ZMAT4: variants seen among roughly 807,000 people sequenced by gnomAD.
The protein encoded by ZMAT4 is zinc finger matrin-type protein 4.
ZMAT4 carries 17 observed loss-of-function variants against 28.7 expected under a neutral mutation model. The observed-to-expected ratio is 0.59, with a 90% CI of 0.41 to 0.89. ZMAT4 has a LOEUF of 0.89. Ranked by LOEUF, ZMAT4 falls within the 40% of genes least tolerant of loss-of-function variation. ZMAT4 has a pLI of 0.00. For synonymous variants in ZMAT4, 117 were observed against 109.2 expected, an observed-to-expected ratio of 1.07 and a Z score of -0.44; for missense variants, 240 against 283.8, an observed-to-expected ratio of 0.85 and a Z score of 1.11.
chr8:40,892,858 A>T (rs537032316), intron 1 of ZMAT4, among the ~76,000 whole-genome samples: 1 of 152,330 alleles, frequency 6.6e-6, no homozygotes, highest in South Asian at 2.1e-4. Context: ...GGTTCTCATC[A>T]GCAGAGGGCA....
intron 3 of ZMAT4, among the ~76,000 whole-genome samples, chr8:40,735,557 A>G (rs1391260819): frequency 6.6e-6 from 1 of 152,232 alleles, no homozygotes; most frequent in Non-Finnish European, 1.5e-5. Context: ...TAGAAACTGG[A>G]TCTAAAAAAT....
At chr8:40,580,924 A>G (rs1804443353) in intron 6 of ZMAT4, among the ~76,000 whole-genome samples, 2 of 152,304 alleles carry the variant, frequency 1.3e-5, no homozygotes, top group South Asian at 4.1e-4. Flanking sequence ...ATATGTCCTA[A>G]TTTCATAAAA....
chr8:40,728,905 T>G (rs998383703), intron 3 of ZMAT4, among the ~76,000 whole-genome samples: 4 of 152,178 alleles, frequency 2.6e-5, no homozygotes, highest in Non-Finnish European at 5.9e-5. Context: ...ACTAGTTTTG[T>G]CTATTACTGG....
chr8:40,639,771 TACACACACACACACAC>T (rs10676366), intron 5 of ZMAT4, among the ~76,000 whole-genome samples: 2 of 146,462 alleles, frequency 1.4e-5, no homozygotes, highest in Non-Finnish European at 1.5e-5. Context: ...GTCCTTTTGT[TACACACACACACACAC>T]ACACACACAC....
chr8:40,675,730 C>T (rs1429049953), intron 4 of ZMAT4, among the ~76,000 whole-genome samples: 1 of 152,112 alleles, frequency 6.6e-6, no homozygotes, highest in Non-Finnish European at 1.5e-5. Flanking sequence ...ACATGGGTTG[C>T]ATTAATTGAG....
At chr8:40,641,968 C>A (rs1481167498) in intron 5 of ZMAT4, among the ~76,000 whole-genome samples, 3 of 152,064 alleles carry the variant, frequency 2.0e-5, no homozygotes, top group Non-Finnish European at 4.4e-5. Context: ...AAAGTGAACT[C>A]ATTTCCTCTC....
At chr8:40,683,380 G>C (rs1397488879) in intron 4 of ZMAT4, among the ~76,000 whole-genome samples, 3 of 152,152 alleles carry the variant, frequency 2.0e-5, no homozygotes, top group Non-Finnish European at 4.4e-5. Context: ...AAAATCTCCG[G>C]TTATGGCCAC....
intron 5 of ZMAT4, among the ~76,000 whole-genome samples, chr8:40,628,685 G>T (rs1806462632): frequency 6.6e-6 from 1 of 152,160 alleles, no homozygotes; most frequent in South Asian, 2.1e-4. Context: ...TTGGTAGCTG[G>T]ATGGCATCAT....
chr8:40,777,730 A>T (rs1813660411), intron 2 of ZMAT4, among the ~76,000 whole-genome samples: 1 of 152,190 alleles, frequency 6.6e-6, no homozygotes, highest in Non-Finnish European at 1.5e-5. Flanking sequence ...ACAACGGACA[A>T]GTGTCCCCAC....
rs1355528271 is a variant in ZMAT4, at chr8:40,845,796, AAG to A, written c.-4-20118_-4-20117del. 0.013 allele frequency among the ~76,000 whole-genome samples: 1,533 copies of A among 120,568 alleles called. 51 individuals carry two copies. The East Asian group carries it at 0.14, about 11-fold the overall frequency. The allele number at this position is 120,568 out of a possible 152,430, so 79.1% of individuals were successfully genotyped here. On this transcript the variant is annotated intron_variant, in intron 1 of 6. Transcript: ENST00000297737. ...GTAGTTAAAAAAAAAAAAAAAAAAA[AAG>A]AGAGAGAGACTAAGGGTGGAGGGGG...
intron 1 of ZMAT4, among the ~76,000 whole-genome samples, chr8:40,877,169 C>T (rs117570976): frequency 0.018 from 2,761 of 152,220 alleles, 88 homozygotes; most frequent in Admixed American, 0.083. Context: ...AGGAGATGGC[C>T]GTCTACAAGC....
intron 1 of ZMAT4, among the ~76,000 whole-genome samples, chr8:40,828,267 T>A (rs1816150452): frequency 6.6e-6 from 1 of 152,362 alleles, no homozygotes; most frequent in Middle Eastern, 3.4e-3. Context: ...TACTAAGGTA[T>A]ATTTTTTAAG....
At chr8:40,777,544 G>T (rs548902571) in intron 2 of ZMAT4, among the ~76,000 whole-genome samples, 27 of 152,360 alleles carry the variant, frequency 1.8e-4, no homozygotes, top group Admixed American at 3.3e-4. Flanking sequence ...ACATCCCTGA[G>T]TGTTGGCCGA....
intron 6 of ZMAT4, among the ~76,000 whole-genome samples, chr8:40,574,353 ATATTTG>A (rs1241856743): frequency 6.6e-6 from 1 of 152,274 alleles, no homozygotes; most frequent in East Asian, 1.9e-4. Context: ...TTTAAAATTT[ATATTTG>A]TAAGTATCTA....
chr8:40,562,709 C>A (rs1054155044), intron 6 of ZMAT4, among the ~76,000 whole-genome samples: 1 of 152,034 alleles, frequency 6.6e-6, no homozygotes, highest in Non-Finnish European at 1.5e-5. Context: ...ACAATGACAA[C>A]CCCTCCTGAT....
intron 1 of ZMAT4, among the ~76,000 whole-genome samples, chr8:40,876,912 G>A (rs1182980858): frequency 2.6e-5 from 4 of 152,300 alleles, no homozygotes; most frequent in South Asian, 2.1e-4. Flanking sequence ...AGAGGGAGAA[G>A]CATTACCTAA....
chr8:40,814,750 G>A (rs1286346929), intron 2 of ZMAT4, among the ~76,000 whole-genome samples: 4 of 152,170 alleles, frequency 2.6e-5, no homozygotes, highest in Non-Finnish European at 5.9e-5. Context: ...TGAGAATTAG[G>A]TAGCTAAGAA....
chr8:40,679,909 A>G (rs1397173915), intron 4 of ZMAT4, among the ~76,000 whole-genome samples: 1 of 152,230 alleles, frequency 6.6e-6, no homozygotes, highest in South Asian at 2.1e-4. Flanking sequence ...TCTTTACACT[A>G]TGAGAGACTA....
At chr8:40,855,956 G>T (rs1280854760) in intron 1 of ZMAT4, among the ~76,000 whole-genome samples, 1 of 151,974 alleles carries the variant, frequency 6.6e-6, no homozygotes, top group African/African-American at 2.4e-5. Flanking sequence ...CTCCCAAAGT[G>T]CTGGGATTAC....
Sources: allele counts gnomAD v4.1 joint callset (sites outside exome capture counted in the v4.1 genomes callset), GRCh38; gene constraint gnomAD v4.1.1; transcripts MANE v1.5; gene names NCBI Gene and HGNC (gene_info 2026-07-23, HGNC 2026-07-21).